The following NTRK3 variants were observed in gnomAD, a reference collection of about 807,000 sequenced individuals.
NTRK3 encodes neurotrophic receptor tyrosine kinase 3.
A neutral mutation model predicts 91.7 loss-of-function variants in NTRK3; 24 were observed. The observed-to-expected ratio is 0.26, with a 90% confidence interval of 0.19 to 0.37. The LOEUF is 0.37. NTRK3 is among the 10% of genes least tolerant of loss of function. The pLI, the probability that NTRK3 is intolerant of heterozygous loss-of-function variation, is 1.00. For missense variants in NTRK3, 880 were observed against 1,068.9 expected (o/e 0.82, Z 2.46); for synonymous variants, 483 against 404.0 (o/e 1.20, Z -2.34).
chr15:87,957,481 T>G (rs1204667777), intron 14 of NTRK3, among the ~76,000 whole-genome samples: 1 of 152,180 alleles, frequency 6.6e-6, no homozygotes, highest in South Asian at 2.1e-4. Context: ...AATCTCCTCA[T>G]CTGCAAAATG....
At chr15:87,902,283 G>A (rs571765515) in intron 17 of NTRK3, among the ~76,000 whole-genome samples, 69 of 152,318 alleles carry the variant, frequency 4.5e-4, no homozygotes, top group African/African-American at 1.5e-3. Flanking sequence ...TTGTAGAAAT[G>A]GCACTGATAA....
At chr15:87,991,666 T>G (rs959984998) in intron 14 of NTRK3, among the ~76,000 whole-genome samples, 3 of 152,210 alleles carry the variant, frequency 2.0e-5, no homozygotes, top group Admixed American at 2.0e-4. Context: ...ATTACCTAAG[T>G]TCAAACTCTT....
At chr15:88,057,263 G>A (rs1404733979) in intron 13 of NTRK3, among the ~76,000 whole-genome samples, 2 of 151,730 alleles carry the variant, frequency 1.3e-5, no homozygotes, top group African/African-American at 2.4e-5. Flanking sequence ...TTGGGAGGCC[G>A]AGGTGTGCGG....
At chr15:88,075,808 G>C (rs889363227) in intron 13 of NTRK3, among the ~76,000 whole-genome samples, 1 of 152,224 alleles carries the variant, frequency 6.6e-6, no homozygotes, top group Non-Finnish European at 1.5e-5. Flanking sequence ...GGTGTCACAT[G>C]AGAGTCCCAA....
chr15:88,052,654 T>C (rs1304874444), intron 13 of NTRK3, among the ~76,000 whole-genome samples: 6 of 152,204 alleles, frequency 3.9e-5, no homozygotes, highest in Non-Finnish European at 8.8e-5. Context: ...TTTATTATAA[T>C]AGTGAGCTAA....
rs75790133 is a variant in NTRK3, at chr15:88,081,391, G to A, written c.1396+44880C>T. ...AGGCCTCAGAACTATGCAAACTGCCGTCACATTTTGTCCAGGCCACATTCC... is the reference window on the plus strand; with the variant it reads ...AGGCCTCAGAACTATGCAAACTGCCATCACATTTTGTCCAGGCCACATTCC... On this transcript the variant is annotated intron_variant, in intron 13 of 18. Transcript: ENST00000394480. Among the ~76,000 whole-genome samples, 706 of 152,240 alleles carry A rather than the reference G, an allele frequency of 4.6e-3. 4 individuals carry two copies. Among genetic ancestry groups the A allele is most frequent in the African/African-American group, 0.017 (688 of 41,552 alleles).
At chr15:88,173,202 G>A (rs371457685) in intron 5 of NTRK3, among the ~76,000 whole-genome samples, 1 of 152,294 alleles carries the variant, frequency 6.6e-6, no homozygotes, top group East Asian at 1.9e-4. Flanking sequence ...CACACCTACA[G>A]AAATAGCATG....
chr15:88,107,440 C>T (rs1437241472), intron 13 of NTRK3, among the ~76,000 whole-genome samples: 2 of 152,184 alleles, frequency 1.3e-5, no homozygotes, highest in Admixed American at 6.5e-5. Flanking sequence ...GAAACCACGT[C>T]TCAAAAAGAA....
intron 17 of NTRK3, 48 bp from the exon 18 acceptor site, chr15:87,885,783 A>ACT: frequency 1.1e-6 from 1 of 872,382 alleles, no homozygotes; most frequent in Admixed American, 3.8e-5. Context: ...AAAACTTAGA[A>ACT]AAGTATTCTT....
intron 10 of NTRK3, among the ~76,000 whole-genome samples, chr15:88,131,797 T>C (rs765560224): frequency 6.6e-6 from 1 of 152,132 alleles, no homozygotes; most frequent in Non-Finnish European, 1.5e-5. Context: ...GCACATAAGC[T>C]TTGGAAGAAG....
chr15:87,912,019 G>C (rs933654999), intron 17 of NTRK3, among the ~76,000 whole-genome samples: 7 of 152,126 alleles, frequency 4.6e-5, no homozygotes, highest in African/African-American at 1.7e-4. Context: ...CCTCAACTCT[G>C]AGCACCACCT....
chr15:88,151,186 C>T (rs1311953257), intron 5 of NTRK3, among the ~76,000 whole-genome samples: 7 of 152,078 alleles, frequency 4.6e-5, no homozygotes, highest in African/African-American at 1.7e-4. Context: ...CAAACTCTTC[C>T]GCAAAATCAA....
At chr15:87,902,275 G>A (rs1423889058) in intron 17 of NTRK3, among the ~76,000 whole-genome samples, 1 of 152,194 alleles carries the variant, frequency 6.6e-6, no homozygotes, top group Admixed American at 6.5e-5. Context: ...TCCCACTCTT[G>A]TAGAAATGGC....
chr15:88,155,805 C>CATCT (rs71146401), intron 5 of NTRK3, among the ~76,000 whole-genome samples: 25,019 of 150,600 alleles, frequency 0.17, 2,072 homozygotes, highest in Middle Eastern at 0.21. Context: ...TGTAATCTAT[C>CATCT]ATCTATCTAT....
chr15:88,189,308 C>T (rs1420078214), intron 3 of NTRK3, among the ~76,000 whole-genome samples: 1 of 152,190 alleles, frequency 6.6e-6, no homozygotes, highest in East Asian at 1.9e-4. Flanking sequence ...CCACAGATAG[C>T]TGCTTCATAG....
chr15:88,245,979 G>A (rs1309502454), intron 3 of NTRK3, among the ~76,000 whole-genome samples: 2 of 152,128 alleles, frequency 1.3e-5, no homozygotes, highest in African/African-American at 4.8e-5. Flanking sequence ...ATAAGGAAGT[G>A]GGGAAAGATG....
intron 13 of NTRK3, among the ~76,000 whole-genome samples, chr15:88,070,276 C>T (rs2046989995): frequency 6.6e-6 from 1 of 152,044 alleles, no homozygotes; most frequent in Admixed American, 6.5e-5. Context: ...TTAGAGTTAC[C>T]TCTGCCAGGT....
chr15:87,978,179 C>A (rs1029246289), intron 14 of NTRK3: 1 of 230,452 alleles, frequency 4.3e-6, no homozygotes, highest in Non-Finnish European at 8.6e-6. Flanking sequence ...AAAGTCACCC[C>A]CTTCCCTCTC....
rs59553739 is a variant in NTRK3 at position 88,197,094 on chromosome 15, CAAAAAAAAAAAAAAAAA to C, written c.249-12812_249-12796del. ...AGAAGAGGTCTATGGTTGAGCAGGA[CAAAAAAAAAAAAAAAAA>C]AAAAAAAAAAAAAAAACCTCTGTGA... On this transcript the variant is annotated intron_variant, in intron 3 of 18. Transcript: ENST00000394480. 5.1e-4 allele frequency among the ~76,000 whole-genome samples: 29 copies of C among 56,592 alleles called. No homozygotes were observed. The Middle Eastern group carries it at 0.071, about 139-fold the overall frequency. The allele number at this position is 56,592 out of a possible 152,430, so 37.1% of individuals were successfully genotyped here. A position where few individuals can be genotyped will look rare whatever the true frequency, so the allele number is the denominator to read the frequency against.
Sources: gnomAD v4.1 joint callset for allele counts (sites outside exome capture counted in the v4.1 genomes callset) on GRCh38, gnomAD v4.1.1 for gene constraint, MANE v1.5 for transcripts, NCBI Gene and HGNC (gene_info 2026-07-23, HGNC 2026-07-21) for gene names.